The following PIK3C2G variants were observed in gnomAD, a reference collection of about 807,000 sequenced individuals.
The protein encoded by PIK3C2G is phosphatidylinositol-4-phosphate 3-kinase catalytic subunit type 2 gamma, also known as phosphatidylinositol 3-kinase C2 domain-containing subunit gamma.
PIK3C2G carries 168 observed loss-of-function variants against 181.1 expected under a neutral mutation model. The observed-to-expected ratio is 0.93, with a 90% CI of 0.82 to 1.05. PIK3C2G has a LOEUF of 1.05. PIK3C2G is among the 50% of genes least tolerant of loss of function. The pLI is 0.00. For missense variants in PIK3C2G, 1,869 were observed against 1,732.8 expected (o/e 1.08, Z -1.40); for synonymous variants, 573 against 592.2 (o/e 0.97, Z 0.47).
rs1945455224 is a variant in PIK3C2G at position 18,563,488 on chromosome 12, ACT to A, written c.3896_3897del (p.Leu1299ProfsTer35). 1.2e-6 allele frequency: 2 copies of A among 1,613,334 alleles called. No homozygotes were observed. The highest frequency in any genetic ancestry group is 1.7e-5 in the Admixed American group (1 of 59,972). On this transcript the variant is annotated frameshift_variant, in exon 28 of 33. Coordinates refer to ENST00000538779, the MANE Select transcript of PIK3C2G (RefSeq NM_001288772.2). LOFTEE classifies it high-confidence loss of function. ...SQLQKQFASL[T>X]LPEFPHWWHL... ...ACTTCAGAAGCAGTTTGCATCACTG[ACT>A]CTCCCAGAGTAAGGCACTGTCCTTT...
At chr12:18,430,299 G>T (rs1946083879) in intron 18 of PIK3C2G, among the ~76,000 whole-genome samples, 1 of 152,124 alleles carries the variant, frequency 6.6e-6, no homozygotes, top group African/African-American at 2.4e-5. Context: ...CTCCAAGAGA[G>T]AACCAATTGG....
At chr12:18,300,731 T>C (rs980349257) in intron 5 of PIK3C2G, among the ~76,000 whole-genome samples, 1 of 152,148 alleles carries the variant, frequency 6.6e-6, no homozygotes, top group Non-Finnish European at 1.5e-5. Context: ...ACTTGGTGGT[T>C]TTCTGCAGGC....
intron 24 of PIK3C2G, among the ~76,000 whole-genome samples, chr12:18,530,785 C>T (rs1219583641): frequency 6.6e-6 from 1 of 152,068 alleles, no homozygotes; most frequent in Non-Finnish European, 1.5e-5. Flanking sequence ...ACCTGCTCCA[C>T]CACGTGAAGA....
rs377590885 is a variant in PIK3C2G, at chr12:18,562,766, A to C, written c.3654A>C (p.Ala1218=). Residue 1218 remains alanine (A), a synonymous_variant, in exon 27 of 33, where the codon GCA becomes GCC. Transcript: ENST00000538779. ...VKLNNLIHTL[A]QMSAISPAKS... is the part of the protein sequence containing the mutation. ...TGAATAACTTGATCCACACACTTGC[A>C]CAAATGTCAGCCATAAGCCCTGCCA... is the stretch of plus-strand genomic sequence containing the variant. 1.5e-5 allele frequency: 24 copies of C among 1,607,748 alleles called. No homozygotes were observed. The African/African-American group carries it at 2.8e-4, about 19-fold the overall frequency.
chr12:18,719,635 A>T, the PIK3C2G span: 1 of 1,571,662 alleles, frequency 6.4e-7, no homozygotes. Context: ...TTTCCTAACT[A>T]AAAAAATAAA....
chr12:18,290,264 T>C (rs1949633871), intron 3 of PIK3C2G, among the ~76,000 whole-genome samples: 2 of 152,188 alleles, frequency 1.3e-5, no homozygotes, highest in African/African-American at 4.8e-5. Flanking sequence ...AAACTGTTTT[T>C]GCAATTCTTT....
chr12:18,464,201 C>T (rs956167850), intron 18 of PIK3C2G, among the ~76,000 whole-genome samples: 6 of 152,060 alleles, frequency 3.9e-5, no homozygotes, highest in Admixed American at 3.9e-4. Flanking sequence ...AAGATCAACG[C>T]TAGCAGATTT....
intron 31 of PIK3C2G, among the ~76,000 whole-genome samples, chr12:18,636,459 G>A (rs965628709): frequency 2.6e-5 from 4 of 152,152 alleles, no homozygotes; most frequent in South Asian, 4.2e-4. Flanking sequence ...TCGAACTCCC[G>A]ACCTCATGTG....
intron 11 of PIK3C2G, among the ~76,000 whole-genome samples, chr12:18,358,287 C>G (rs186875582): frequency 6.6e-6 from 1 of 152,324 alleles, no homozygotes; most frequent in East Asian, 1.9e-4. Flanking sequence ...GCACTTGCAT[C>G]CCACACTTGG....
the PIK3C2G span, among the ~76,000 whole-genome samples, chr12:18,712,054 A>C: frequency 0.058 from 8,809 of 152,210 alleles, 660 homozygotes; most frequent in African/African-American, 0.17. Context: ...GGAGAACTTT[A>C]TTACATTTGT....
At chr12:18,417,571 C>T (rs916540247) in intron 16 of PIK3C2G, among the ~76,000 whole-genome samples, 3 of 152,060 alleles carry the variant, frequency 2.0e-5, no homozygotes, top group Non-Finnish European at 2.9e-5. Context: ...CAACATGGAC[C>T]GAACACCCTC....
chr12:18,695,803 G>A, the PIK3C2G span, among the ~76,000 whole-genome samples: 2 of 152,164 alleles, frequency 1.3e-5, no homozygotes, highest in East Asian at 3.9e-4. Flanking sequence ...AATGATAGAG[G>A]TCACTTGATT....
intron 18 of PIK3C2G, among the ~76,000 whole-genome samples, chr12:18,477,000 C>T (rs977595062): frequency 2.0e-5 from 3 of 152,094 alleles, no homozygotes; most frequent in South Asian, 2.1e-4. Flanking sequence ...ATTTCAAGAT[C>T]GAGGTGCCAG....
intron 16 of PIK3C2G, among the ~76,000 whole-genome samples, chr12:18,418,622 C>T (rs984768632): frequency 6.6e-6 from 1 of 152,056 alleles, no homozygotes; most frequent in African/African-American, 2.4e-5. Flanking sequence ...CTAGAGTAGA[C>T]AGCAGCAGAA....
rs74734966 is a variant in PIK3C2G at position 18,430,368 on chromosome 12, A to G, written c.2504+6329A>G. Reference sequence around the variant, plus strand: ...AACACAGCTCCTTTTATAAGGTGTCACTTAAGGCACCTAATGCAAAAATCT... The same window carrying G: ...AACACAGCTCCTTTTATAAGGTGTCGCTTAAGGCACCTAATGCAAAAATCT... On this transcript the variant is annotated intron_variant, in intron 18 of 32. Coordinates refer to ENST00000538779, the MANE Select transcript of PIK3C2G (RefSeq NM_001288772.2). 7.4e-3 allele frequency among the ~76,000 whole-genome samples: 1,134 copies of G among 152,238 alleles called. 15 individuals are homozygous for G. The highest frequency in any genetic ancestry group is 0.026 in the African/African-American group (1,099 of 41,546).
upstream of PIK3C2G, among the ~76,000 whole-genome samples, chr12:18,244,220 A>T (rs974812367): frequency 6.6e-6 from 1 of 152,022 alleles, no homozygotes; most frequent in Non-Finnish European, 1.5e-5. Flanking sequence ...CTGTAACAGG[A>T]TAGAAATCTA....
chr12:18,538,301 C>G lies in PIK3C2G; in HGVS notation c.3469C>G (p.Leu1157Val). The G allele has an allele frequency of 1.4e-5, 23 of 1,601,302 alleles. No individual in the cohort carries two copies. Among genetic ancestry groups the G allele is most frequent in the Non-Finnish European group, 1.9e-5 (22 of 1,175,560 alleles). ...IRKHSQLLLN[L>V]LEMMLYAGLP... ...AAAGCACAGCCAACTGCTCTTGAACCTGCTGGAAATGGTAAGTCCCTTGGG... is the reference window on the plus strand; with the variant it reads ...AAAGCACAGCCAACTGCTCTTGAACGTGCTGGAAATGGTAAGTCCCTTGGG... The change falls in exon 25 of 33, where the codon CTG becomes GTG. Residue 1157 changes from leucine to valine, a missense_variant. Physicochemically the swap from Leu to Val is conservative, Grantham distance 32. Transcript: ENST00000538779.
intron 1 of PIK3C2G, among the ~76,000 whole-genome samples, chr12:18,254,139 A>G (rs979107011): frequency 6.6e-6 from 1 of 151,448 alleles, no homozygotes; most frequent in African/African-American, 2.4e-5. Flanking sequence ...AAAGAGTTAG[A>G]AGAATTTAAA....
At chr12:18,663,665 A>T in the PIK3C2G span, among the ~76,000 whole-genome samples, 1 of 152,052 alleles carries the variant, frequency 6.6e-6, no homozygotes, top group Non-Finnish European at 1.5e-5. Flanking sequence ...CATAGGACAA[A>T]AGCTTTATGA....
Sources: allele counts gnomAD v4.1 joint callset (sites outside exome capture counted in the v4.1 genomes callset), GRCh38; gene constraint gnomAD v4.1.1; transcripts MANE v1.5; gene names NCBI Gene and HGNC (gene_info 2026-07-23, HGNC 2026-07-21).